Variants in NKAIN2 observed in about 807,000 individuals in gnomAD.
NKAIN2 encodes the protein sodium/potassium-transporting ATPase subunit beta-1-interacting protein 2.
Under a neutral mutation model 32.6 loss-of-function variants are expected in NKAIN2, and 14 were observed. That is an observed-to-expected ratio of 0.43 (90% CI 0.28 to 0.67). The LOEUF is 0.67. NKAIN2 is among the 30% of genes least tolerant of loss of function. The pLI, the probability that NKAIN2 is intolerant of heterozygous loss-of-function variation, is 0.17. For missense variants in NKAIN2, 198 were observed against 258.3 expected (o/e 0.77, Z 1.60); for synonymous variants, 80 against 87.2 (o/e 0.92, Z 0.46).
At chr6:123,875,938 A>G (rs1379386022) in intron 1 of NKAIN2, among the ~76,000 whole-genome samples, 2 of 152,098 alleles carry the variant, frequency 1.3e-5, no homozygotes, top group East Asian at 1.9e-4. Flanking sequence ...TCAAGTTCAT[A>G]TATACCCCAG....
intron 1 of NKAIN2, among the ~76,000 whole-genome samples, chr6:124,140,695 T>C (rs1028291568): frequency 6.6e-6 from 1 of 152,008 alleles, no homozygotes; most frequent in Non-Finnish European, 1.5e-5. Flanking sequence ...GCTATTTTTT[T>C]AAAAAAAGTG....
chr6:124,497,596 A>G (rs1350521882), intron 3 of NKAIN2, among the ~76,000 whole-genome samples: 1 of 152,098 alleles, frequency 6.6e-6, no homozygotes, highest in Non-Finnish European at 1.5e-5. Flanking sequence ...ACACAATGCT[A>G]AAGAAGTTGG....
intron 4 of NKAIN2, among the ~76,000 whole-genome samples, chr6:124,782,496 A>G (rs1779316104): frequency 6.6e-6 from 1 of 152,128 alleles, no homozygotes; most frequent in African/African-American, 2.4e-5. Flanking sequence ...CCTAGTCTCT[A>G]CAGAGAAATC....
At chr6:124,610,867 A>G (rs1782663538) in intron 3 of NKAIN2, among the ~76,000 whole-genome samples, 1 of 152,140 alleles carries the variant, frequency 6.6e-6, no homozygotes, top group South Asian at 2.1e-4. Flanking sequence ...GACCACCAAT[A>G]TATTATTTAT....
At chr6:124,687,062 GCTC>G (rs1034298233) in intron 4 of NKAIN2, among the ~76,000 whole-genome samples, 2 of 151,616 alleles carry the variant, frequency 1.3e-5, no homozygotes, top group African/African-American at 4.8e-5. Flanking sequence ...GGCTCTTCTT[GCTC>G]CTCAAGCATG....
chr6:124,311,821 T>C (rs1796730740), intron 2 of NKAIN2, among the ~76,000 whole-genome samples: 1 of 152,186 alleles, frequency 6.6e-6, no homozygotes, highest in African/African-American at 2.4e-5. Flanking sequence ...TCCTTTCACT[T>C]TGTTTTCCTG....
chr6:124,154,349 A>G (rs569612396), intron 1 of NKAIN2, among the ~76,000 whole-genome samples: 2 of 152,038 alleles, frequency 1.3e-5, no homozygotes, highest in African/African-American at 4.8e-5. Flanking sequence ...GTTCATAGCC[A>G]TGCTTACTTC....
intron 1 of NKAIN2, among the ~76,000 whole-genome samples, chr6:124,246,167 T>C (rs1000547045): frequency 8.5e-5 from 13 of 152,204 alleles, no homozygotes; most frequent in African/African-American, 2.9e-4. Flanking sequence ...AATAAGATAG[T>C]GTTTCAATGG....
chr6:124,477,814 CAT>C (rs1777290048), intron 3 of NKAIN2, among the ~76,000 whole-genome samples: 4 of 136,134 alleles, frequency 2.9e-5, no homozygotes, highest in Non-Finnish European at 6.4e-5. Context: ...CCCTCCTCTC[CAT>C]CTCTCTCTCC....
At chr6:124,040,263 T>C (rs1781808713) in intron 1 of NKAIN2, among the ~76,000 whole-genome samples, 2 of 151,940 alleles carry the variant, frequency 1.3e-5, no homozygotes, top group African/African-American at 4.8e-5. Flanking sequence ...TAAGATTTTG[T>C]TATAGTTTTC....
At chr6:124,788,499 T>C (rs1475856620) in intron 4 of NKAIN2, among the ~76,000 whole-genome samples, 4 of 152,052 alleles carry the variant, frequency 2.6e-5, no homozygotes, top group Non-Finnish European at 5.9e-5. Flanking sequence ...CACTTCAGCA[T>C]GGCTGGGGAG....
chr6:124,684,280 T>A (rs1272624814), intron 4 of NKAIN2, among the ~76,000 whole-genome samples: 1 of 152,152 alleles, frequency 6.6e-6, no homozygotes, highest in Admixed American at 6.5e-5. Flanking sequence ...CCTAATGACT[T>A]GTAGTGGAGT....
chr6:124,647,066 C>G (rs1027132649), intron 3 of NKAIN2, among the ~76,000 whole-genome samples: 1 of 151,548 alleles, frequency 6.6e-6, no homozygotes, highest in Non-Finnish European at 1.5e-5. Flanking sequence ...CTAAAAAATA[C>G]CCCTAGTATT....
At chr6:124,298,532 A>G (rs1185496010) in intron 2 of NKAIN2, among the ~76,000 whole-genome samples, 2 of 152,196 alleles carry the variant, frequency 1.3e-5, no homozygotes, top group Non-Finnish European at 2.9e-5. Flanking sequence ...CACTATTTCC[A>G]TAATTTACCT....
At chr6:123,849,949 GTTTTTTT>G in intron 1 of NKAIN2, among the ~76,000 whole-genome samples, 1 of 38,734 alleles carries the variant, frequency 2.6e-5, no homozygotes, top group East Asian at 6.1e-3. Context: ...ACTCAGGCTG[GTTTTTTT>G]TTTTTGTTTG....
chr6:124,650,442 C>T (rs968373356), intron 3 of NKAIN2, among the ~76,000 whole-genome samples: 1 of 152,152 alleles, frequency 6.6e-6, no homozygotes, highest in African/African-American at 2.4e-5. Context: ...TTGTCTTCAA[C>T]TATTTTGTGC....
chr6:124,274,679 G>A (rs1210329349), intron 1 of NKAIN2, among the ~76,000 whole-genome samples: 5 of 151,974 alleles, frequency 3.3e-5, no homozygotes, highest in Non-Finnish European at 5.9e-5. Context: ...TGATTTAAAA[G>A]TAAGCATTAA....
intron 4 of NKAIN2, among the ~76,000 whole-genome samples, chr6:124,775,252 C>T (rs1778935564): frequency 6.6e-6 from 1 of 152,188 alleles, no homozygotes; most frequent in Admixed American, 6.5e-5. Context: ...AAATGTGGAA[C>T]TCAGAAGTGA....
intron 1 of NKAIN2, among the ~76,000 whole-genome samples, chr6:124,203,957 T>C (rs754400553): frequency 1.3e-5 from 2 of 151,850 alleles, no homozygotes; most frequent in Non-Finnish European, 2.9e-5. Context: ...CACCTCTGAG[T>C]GAATCATAAA....
Sources: gnomAD v4.1 joint callset for allele counts (sites outside exome capture counted in the v4.1 genomes callset) on GRCh38, gnomAD v4.1.1 for gene constraint, MANE v1.5 for transcripts, NCBI Gene and HGNC (gene_info 2026-07-23, HGNC 2026-07-21) for gene names.